Variants in THOC5 observed in about 807,000 individuals in gnomAD.
The protein encoded by THOC5 is THO complex subunit 5, also known as Fms-interacting protein.
In THOC5, 43 loss-of-function variants were observed where a neutral mutation model predicts 92.9. That is an observed-to-expected ratio of 0.46 (90% CI 0.36 to 0.60). The LOEUF (loss-of-function observed/expected upper bound fraction) is 0.60. Among genes scored for constraint, THOC5 ranks in the 20% least tolerant of loss-of-function variants. The probability of loss-of-function intolerance (pLI) is 0.00; values close to 1 mark genes in which losing one functional copy is unlikely to be tolerated. For synonymous variants in THOC5, 296 were observed against 320.1 expected (o/e 0.92, Z 0.80); for missense variants, 659 against 849.4 (o/e 0.78, Z 2.79).
chr22:29,523,667 G>A (rs1439558536), intron 12 of THOC5, among the ~76,000 whole-genome samples: 1 of 152,184 alleles, frequency 6.6e-6, no homozygotes, highest in Non-Finnish European at 1.5e-5. Flanking sequence ...GAAAACAAAA[G>A]AGATGGCAGG....
chr22:29,552,562 T>C (rs1185097614), intron 1 of THOC5, among the ~76,000 whole-genome samples: 1 of 148,086 alleles, frequency 6.8e-6, no homozygotes, highest in Non-Finnish European at 1.5e-5. Flanking sequence ...AGCCGCCCCG[T>C]CCGGGGGGGA....
At chr22:29,513,620 T>TG (rs2063271821) in intron 17 of THOC5, among the ~76,000 whole-genome samples, 1 of 151,954 alleles carries the variant, frequency 6.6e-6, no homozygotes, top group Non-Finnish European at 1.5e-5. Flanking sequence ...CCTGGTAAGG[T>TG]GGAGGTTGCA....
chr22:29,511,434 A>C (rs1439595710), intron 18 of THOC5, 138 bp from the exon 19 acceptor site: 1 of 863,282 alleles, frequency 1.2e-6, no homozygotes, highest in Non-Finnish European at 1.8e-6. Flanking sequence ...CCATCAGATC[A>C]AGCTAGACTG....
At chr22:29,544,810 A>G (rs149571069) in intron 2 of THOC5, among the ~76,000 whole-genome samples, 226 of 152,334 alleles carry the variant, frequency 1.5e-3, no homozygotes, top group African/African-American at 5.3e-3. Context: ...AGAGTAATGC[A>G]TGCCTGGTAT....
chr22:29,530,874 A>C (rs998507805), intron 8 of THOC5, among the ~76,000 whole-genome samples: 1 of 152,164 alleles, frequency 6.6e-6, no homozygotes, highest in Admixed American at 6.5e-5. Context: ...GAGGGATGGC[A>C]AACTTCCCCC....
rs1035550224 is a variant in THOC5, at chr22:29,525,168, C to G, written c.1175+670G>C. Among the ~76,000 whole-genome samples, 39 of 152,100 alleles carry G rather than the reference C, an allele frequency of 2.6e-4. 1 individual carries two copies. The highest frequency in any genetic ancestry group is 3.4e-4 in the Non-Finnish European group (23 of 68,020). Reference sequence around the variant, plus strand: ...GCATGCACCTGTAGTCCTAGTTACTCAGGAGGCTGAGGTAGGAGGATCACT... The same window carrying G: ...GCATGCACCTGTAGTCCTAGTTACTGAGGAGGCTGAGGTAGGAGGATCACT... On this transcript the variant is annotated intron_variant, in intron 12 of 19. Transcript: ENST00000490103.
intron 4 of THOC5, 127 bp downstream of exon 4, chr22:29,543,301 TC>T (rs2063937599): frequency 3.2e-6 from 2 of 619,356 alleles, no homozygotes; most frequent in South Asian, 4.1e-5. Flanking sequence ...TGAGCTGAGA[TC>T]GTGCCACTGC....
rs377541596 is a variant in THOC5, at chr22:29,508,430, G to A, written c.*27C>T. ...AGCCCAGTGCTCAGGGTGAGGCCTT[G>A]GGGGAAACAACGGTCTGCGCGGGAG... On this transcript the variant is annotated 3_prime_UTR_variant, in exon 20 of 20. Transcript: ENST00000490103. 319 of 1,612,438 alleles carry A rather than the reference G, an allele frequency of 2.0e-4. 1 individual carries two copies. The highest frequency in any genetic ancestry group is 3.7e-5 in the Non-Finnish European group (44 of 1,178,620).
chr22:29,516,143 T>A (rs2146448148), intron 17 of THOC5, among the ~76,000 whole-genome samples: 3 of 115,736 alleles, frequency 2.6e-5, no homozygotes, highest in African/African-American at 3.3e-5. Flanking sequence ...ACCTTATCTC[T>A]ACTGAAAAAA....
chr22:29,519,623 C>A (rs1270468034), intron 14 of THOC5, among the ~76,000 whole-genome samples: 1 of 150,444 alleles, frequency 6.6e-6, no homozygotes, highest in African/African-American at 2.4e-5. Context: ...ACTCCAAAGG[C>A]CATGACAGGC....
At chr22:29,512,525 A>G (rs1226415880) in intron 17 of THOC5, among the ~76,000 whole-genome samples, 4 of 152,236 alleles carry the variant, frequency 2.6e-5, no homozygotes, top group Non-Finnish European at 5.9e-5. Context: ...AATACTGTGT[A>G]TCAACTATCA....
rs1258776412 is a variant in THOC5 at position 29,506,364 on chromosome 22, T to C, written c.*2093A>G. 6.6e-6 allele frequency: 1 copy of C among 152,180 alleles called. No homozygotes were observed. The highest frequency in any genetic ancestry group is 1.9e-4 in the East Asian group (1 of 5,200). The allele number at this position is 152,180 out of a possible 1,614,324, so 9.4% of individuals were successfully genotyped here. On this transcript the variant is annotated 3_prime_UTR_variant, in exon 20 of 20. Transcript: ENST00000490103. ...CAAATAATTATATTTTGAGGCACTT[T>C]TGTCATTACCTTAAAGACTCTACTC... is the stretch of plus-strand genomic sequence containing the variant.
At chr22:29,517,468 G>T (rs2063355791) in intron 15 of THOC5, 102 bp from the exon 16 acceptor site, 1 of 986,626 alleles carries the variant, frequency 1.0e-6, no homozygotes, top group Non-Finnish European at 1.5e-6. Context: ...AGATGGCCCG[G>T]CCAGCTATCC....
intron 2 of THOC5, among the ~76,000 whole-genome samples, chr22:29,545,532 G>A (rs1347889364): frequency 1.3e-5 from 2 of 152,168 alleles, no homozygotes; most frequent in African/African-American, 4.8e-5. Flanking sequence ...AGATACAGTG[G>A]GGGTAAATAT....
At chr22:29,546,686 C>T (rs927211801) in intron 2 of THOC5, among the ~76,000 whole-genome samples, 1 of 151,516 alleles carries the variant, frequency 6.6e-6, no homozygotes, top group Non-Finnish European at 1.5e-5. Context: ...GTGATCCACC[C>T]AGCTCGGCCT....
intron 15 of THOC5, among the ~76,000 whole-genome samples, chr22:29,518,258 C>A (rs958530263): frequency 6.6e-6 from 1 of 152,088 alleles, no homozygotes; most frequent in Non-Finnish European, 1.5e-5. Context: ...GTCTTGAACT[C>A]CTGACCTCAA....
At position 29,525,896 on chromosome 22, in the gene THOC5, T is replaced by G. The variant is rs751817583; in HGVS notation, c.1117A>C (p.Met373Leu). The G allele has an allele frequency of 3.1e-6, 5 of 1,613,972 alleles. 1 individual carries two copies. In the South Asian group the frequency reaches 5.5e-5, roughly 18 times the overall value. Reference sequence around the variant, plus strand: ...GTTGTCACTTTGGCTTTTACTGTCATGATGTTGAGGTTCATGAGGTAGTAG... The same window carrying G: ...GTTGTCACTTTGGCTTTTACTGTCAGGATGTTGAGGTTCATGAGGTAGTAG... Reference protein sequence around the residue: ...TFYYLMNLNIMTVKAKVTTAM... With the variant: ...TFYYLMNLNILTVKAKVTTAM... Residue 373 changes from methionine to leucine, a missense_variant, in exon 12 of 20, where the codon ATG (methionine) becomes CTG (leucine). Coordinates refer to ENST00000490103, the MANE Select transcript of THOC5 (RefSeq NM_003678.5).
intron 18 of THOC5, among the ~76,000 whole-genome samples, chr22:29,511,598 G>A (rs1039808413): frequency 1.3e-5 from 2 of 152,376 alleles, no homozygotes; most frequent in East Asian, 1.9e-4. Context: ...GGTTAAAAAC[G>A]TGTTCCATGG....
chr22:29,530,184 T>C (rs1212796566), intron 8 of THOC5, among the ~76,000 whole-genome samples: 3 of 150,112 alleles, frequency 2.0e-5, no homozygotes, highest in Admixed American at 1.3e-4. Flanking sequence ...GCCCCATTAG[T>C]GGTGGGGACT....
Sources: gnomAD v4.1 joint callset for allele counts (sites outside exome capture counted in the v4.1 genomes callset) on GRCh38, gnomAD v4.1.1 for gene constraint, MANE v1.5 for transcripts, NCBI Gene and HGNC (gene_info 2026-07-23, HGNC 2026-07-21) for gene names.